The following TLK1 variants were observed in gnomAD, a reference collection of about 807,000 sequenced individuals.
TLK1 encodes the protein tousled like kinase 1.
In TLK1, 24 loss-of-function variants were observed where a neutral mutation model predicts 105.3. The observed-to-expected ratio is 0.23, with a 90% confidence interval of 0.17 to 0.32. The LOEUF (loss-of-function observed/expected upper bound fraction) is 0.32, where lower values mean the gene tolerates loss of function less well. Ranked by LOEUF, TLK1 falls within the 10% of genes least tolerant of loss-of-function variation. TLK1 has a pLI of 1.00. For missense variants in TLK1, 558 were observed against 910.5 expected (o/e 0.61, Z 4.98); for synonymous variants, 321 against 310.4 (o/e 1.03, Z -0.36).
intron 12 of TLK1, among the ~76,000 whole-genome samples, chr2:171,018,439 T>C (rs1308939711): frequency 6.6e-6 from 1 of 152,260 alleles, no homozygotes; most frequent in African/African-American, 2.4e-5. Context: ...CCAGTTTTGG[T>C]TTGGCCCAGG....
At chr2:171,049,328 C>T (rs1558908002) in intron 10 of TLK1, among the ~76,000 whole-genome samples, 1 of 152,028 alleles carries the variant, frequency 6.6e-6, no homozygotes, top group African/African-American at 2.4e-5. Context: ...ACCTCAGAAA[C>T]GCTAAAGCCA....
rs926657179 is a variant in TLK1, at chr2:171,181,077, T to C, written c.-6+50068A>G. ...AACAATAAAGGTTTGCCATTTGTTC[T>C]GATCTTTCAACAGAAGCTGGAAGAA... On this transcript the variant is annotated intron_variant, in intron 1 of 20. Coordinates refer to the TLK1 transcript ENST00000521943. Among the ~76,000 whole-genome samples, 15 of 152,344 alleles carry C rather than the reference T, an allele frequency of 9.8e-5. No homozygotes were observed. The South Asian group carries it at 2.9e-3, about 29-fold the overall frequency.
At chr2:171,184,381 G>A (rs1296102463) in intron 1 of TLK1, among the ~76,000 whole-genome samples, 5 of 152,082 alleles carry the variant, frequency 3.3e-5, no homozygotes, top group Non-Finnish European at 5.9e-5. Flanking sequence ...GGTGCCTCAC[G>A]CCTGTGATCC....
intron 1 of TLK1, among the ~76,000 whole-genome samples, chr2:171,166,709 G>T (rs1225636249): frequency 1.3e-5 from 2 of 152,198 alleles, no homozygotes; most frequent in African/African-American, 2.4e-5. Context: ...TGACCTGGCA[G>T]TTCCGTTCCA....
At chr2:171,124,292 A>C (rs1317731012) in intron 1 of TLK1, among the ~76,000 whole-genome samples, 1 of 152,254 alleles carries the variant, frequency 6.6e-6, no homozygotes, top group African/African-American at 2.4e-5. Flanking sequence ...ATTCTTTCAA[A>C]TATAGACACT....
intron 20 of TLK1, among the ~76,000 whole-genome samples, chr2:170,994,513 GT>G (rs781406066): frequency 3.7e-5 from 5 of 135,666 alleles, no homozygotes; most frequent in Admixed American, 7.6e-5. Context: ...ATTTTACTCA[GT>G]TTTTCTTTGA....
intron 12 of TLK1, among the ~76,000 whole-genome samples, chr2:171,021,626 C>T (rs188389259): frequency 4.6e-5 from 7 of 152,158 alleles, no homozygotes; most frequent in Admixed American, 1.3e-4. Context: ...CATGGATTTA[C>T]AGTTATGATT....
At chr2:171,229,776 T>A (rs908309357) in intron 1 of TLK1, among the ~76,000 whole-genome samples, 4 of 152,164 alleles carry the variant, frequency 2.6e-5, no homozygotes, top group African/African-American at 9.7e-5. Flanking sequence ...CACCTCTCAA[T>A]CAATTTTTAA....
chr2:171,074,243 G>T (rs987851152), intron 3 of TLK1, among the ~76,000 whole-genome samples: 1 of 152,114 alleles, frequency 6.6e-6, no homozygotes, highest in Non-Finnish European at 1.5e-5. Context: ...TGTGTACAAA[G>T]AGTACTTGCT....
intron 1 of TLK1, among the ~76,000 whole-genome samples, chr2:171,118,087 T>C (rs1031360222): frequency 1.3e-5 from 2 of 152,316 alleles, no homozygotes; most frequent in Non-Finnish European, 2.9e-5. Flanking sequence ...AAATATATTT[T>C]CCATCTAATT....
intron 7 of TLK1, chr2:171,054,355 A>G (rs980863757): frequency 6.6e-6 from 1 of 152,294 alleles, no homozygotes; most frequent in Non-Finnish European, 1.5e-5. Context: ...ATGATGTATA[A>G]TAGTTCCCTT....
rs1366929279 is a variant in TLK1, at chr2:171,049,849, T to C, written c.945A>G (p.Gln315=). The C allele has an allele frequency of 1.9e-6, 3 of 1,613,846 alleles. No homozygotes were observed. Among genetic ancestry groups the C allele is most frequent in the Non-Finnish European group, 2.5e-6 (3 of 1,179,950 alleles). ...TVRHGASFTE[Q]WTDGFAFQNL... The stretch of plus-strand genomic sequence containing the variant: ...TCTGAAATGCAAAACCATCTGTCCA[T>C]TGTTCAGTAAATGAAGCGCCATGTC... Residue 315 remains glutamine, a synonymous_variant, in exon 10 of 21, where the codon CAA becomes CAG. Transcript: ENST00000431350.
chr2:171,183,708 A>G (rs1311359891), intron 1 of TLK1, among the ~76,000 whole-genome samples: 2 of 152,202 alleles, frequency 1.3e-5, no homozygotes, highest in African/African-American at 4.8e-5. Context: ...TTAATTGATG[A>G]CCATTGGGTT....
At chr2:171,190,033 C>A (rs919242068) in intron 1 of TLK1, among the ~76,000 whole-genome samples, 1 of 152,202 alleles carries the variant, frequency 6.6e-6, no homozygotes, top group African/African-American at 2.4e-5. Flanking sequence ...GAGACCCTGG[C>A]AATATGTTCA....
chr2:171,058,876 C>A (rs564205788), intron 4 of TLK1, among the ~76,000 whole-genome samples: 1 of 152,240 alleles, frequency 6.6e-6, no homozygotes, highest in Non-Finnish European at 1.5e-5. Context: ...CAAGTTACAA[C>A]TAGTGATATC....
chr2:171,189,661 A>G (rs1167758934), intron 1 of TLK1, among the ~76,000 whole-genome samples: 1 of 152,224 alleles, frequency 6.6e-6, no homozygotes, highest in African/African-American at 2.4e-5. Flanking sequence ...TGCATTCATT[A>G]GCAAATAACA....
upstream of TLK1, chr2:171,160,989 C>T (rs1018832601): frequency 2.9e-5 from 5 of 170,754 alleles, no homozygotes; most frequent in African/African-American, 1.1e-4. The surrounding 1 kb of genome is among the most constrained non-coding windows in gnomAD (Gnocchi z 4.4). Flanking sequence ...GCGGCGGCGG[C>T]AGCGGCGGCC....
chr2:171,144,266 A>G (rs982856999), intron 1 of TLK1, among the ~76,000 whole-genome samples: 11 of 152,338 alleles, frequency 7.2e-5, no homozygotes, highest in African/African-American at 2.2e-4. Context: ...AATAATGAAT[A>G]GAACTAGGCA....
chr2:171,072,497 C>T (rs1356406528), intron 3 of TLK1, among the ~76,000 whole-genome samples: 2 of 152,090 alleles, frequency 1.3e-5, no homozygotes, highest in Admixed American at 6.5e-5. Context: ...GTGGCTCACA[C>T]CTGTAATTCT....
Sources: allele counts gnomAD v4.1 joint callset (sites outside exome capture counted in the v4.1 genomes callset), GRCh38; gene constraint gnomAD v4.1.1; non-coding constraint Gnocchi (gnomAD v3.1); transcripts MANE v1.5; gene names NCBI Gene and HGNC (gene_info 2026-07-23, HGNC 2026-07-21).